BRAF: variants seen among roughly 807,000 people sequenced by gnomAD.
BRAF encodes B-Raf proto-oncogene, serine/threonine kinase.
Under a neutral mutation model 104.6 loss-of-function variants are expected in BRAF, and 16 were observed. The observed-to-expected ratio is 0.15, with a 90% CI of 0.10 to 0.23. The LOEUF is 0.23. Ranked by LOEUF, BRAF falls within the 10% of genes least tolerant of loss-of-function variation. The pLI, the probability that BRAF is intolerant of heterozygous loss-of-function variation, is 1.00. For synonymous variants in BRAF, 310 were observed against 341.6 expected (o/e 0.91, Z 1.02); for missense variants, 541 against 937.3 (o/e 0.58, Z 5.52).
Position 140,719,418 on chromosome 7 carries a change from C to T in BRAF, c.*7076G>A. The T allele has an allele frequency of 9.9e-7, 1 of 1,005,864 alleles. No individual in the cohort carries two copies. The highest frequency in any genetic ancestry group is 1.2e-6 in the Non-Finnish European group (1 of 834,368). 62.3% of individuals were successfully genotyped at this position (1,005,864 alleles called of 1,614,324 possible). A position where few individuals can be genotyped will look rare whatever the true frequency, so the allele number is the denominator to read the frequency against. On this transcript the variant is annotated 3_prime_UTR_variant, in exon 20 of 20. Coordinates refer to ENST00000644969, the MANE Select transcript of BRAF (RefSeq NM_001374258.1). ...AACTTTTTTTGCCTTTTATATAATA[C>T]AGTTTTTAAATAACTTTACACAGAA...
chr7:140,739,259 T>G (rs1207779786), intron 18 of BRAF, among the ~76,000 whole-genome samples: 1 of 151,940 alleles, frequency 6.6e-6, no homozygotes, highest in East Asian at 1.9e-4. Context: ...TTAAGTAGAG[T>G]TTTTAGGGGT....
intron 1 of BRAF, among the ~76,000 whole-genome samples, chr7:140,879,519 T>C (rs1812636263): frequency 7.3e-6 from 1 of 136,540 alleles, no homozygotes; most frequent in Non-Finnish European, 1.5e-5. Context: ...GTAGCTATAA[T>C]GTAGTCTAGT....
intron 17 of BRAF, among the ~76,000 whole-genome samples, chr7:140,742,351 C>G (rs1796997446): frequency 6.6e-6 from 1 of 151,962 alleles, no homozygotes; most frequent in Non-Finnish European, 1.5e-5. Context: ...ACCACCATGC[C>G]TGGCTAATGT....
chr7:140,868,655 GGTT>G (rs1253777665), intron 1 of BRAF, among the ~76,000 whole-genome samples: 2 of 152,126 alleles, frequency 1.3e-5, no homozygotes, highest in Non-Finnish European at 1.5e-5. Context: ...ATTTGGTGAT[GGTT>G]GTTGTGCACA....
rs149960411 is a variant in BRAF at position 140,913,940 on chromosome 7, A to G, written c.138+10626T>C. On this transcript the variant is annotated intron_variant, in intron 1 of 19. Coordinates refer to ENST00000644969, the MANE Select transcript of BRAF (RefSeq NM_001374258.1). ...TTGCCACTTCATGTTTCTTTAATTA[A>G]ATAATGTTTTAAAGTAACATTAATA... is the stretch of plus-strand genomic sequence containing the variant. 9.9e-3 allele frequency among the ~76,000 whole-genome samples: 1,512 copies of G among 152,328 alleles called. 25 individuals are homozygous for G. The highest frequency in any genetic ancestry group is 0.034 in the African/African-American group (1,425 of 41,566).
intron 14 of BRAF, among the ~76,000 whole-genome samples, chr7:140,768,354 T>A (rs1586086562): frequency 6.6e-6 from 1 of 152,244 alleles, no homozygotes; most frequent in East Asian, 1.9e-4. Context: ...TGCCTCCTGC[T>A]ACAGTTTGAA....
At position 140,732,834 on chromosome 7, in the gene BRAF, C is replaced by T. The variant is rs537993637; in HGVS notation, c.2401+1783G>A. The T allele has an allele frequency of 3.3e-5, 5 of 152,342 alleles. No individual in the cohort carries two copies. In the South Asian group the frequency reaches 8.3e-4, roughly 25 times the overall value. The allele number at this position is 152,342 out of a possible 1,614,324, so 9.4% of individuals were successfully genotyped here. A position where few individuals can be genotyped will look rare whatever the true frequency, so the allele number is the denominator to read the frequency against. ...GACCTTGTGCCTCAAAATGGCCAAACATTTGGAGCATTCCACAAAGTCAAT... is the reference window on the plus strand; with the variant it reads ...GACCTTGTGCCTCAAAATGGCCAAATATTTGGAGCATTCCACAAAGTCAAT... On this transcript the variant is annotated intron_variant, in intron 19 of 19. Transcript: ENST00000644969.
At chr7:140,731,830 T>C (rs548068157) in intron 19 of BRAF, 30 of 152,304 alleles carry the variant, frequency 2.0e-4, no homozygotes, top group African/African-American at 6.7e-4. Context: ...GTAAAACTTT[T>C]AAAATGCAAA....
At chr7:140,825,450 CTG>C (rs1281354660) in intron 3 of BRAF, among the ~76,000 whole-genome samples, 3 of 152,206 alleles carry the variant, frequency 2.0e-5, no homozygotes, top group Non-Finnish European at 2.9e-5. Flanking sequence ...TCATTATAGA[CTG>C]TGCTTCTGGT....
At chr7:140,859,414 T>C (rs1178333224) in intron 1 of BRAF, among the ~76,000 whole-genome samples, 3 of 152,202 alleles carry the variant, frequency 2.0e-5, no homozygotes, top group African/African-American at 4.8e-5. Flanking sequence ...CACACATCTA[T>C]ATGGGGATAA....
chr7:140,771,639 A>G (rs1176289130), intron 14 of BRAF, among the ~76,000 whole-genome samples: 2 of 152,242 alleles, frequency 1.3e-5, no homozygotes, highest in East Asian at 3.8e-4. Flanking sequence ...ATCACTTTCA[A>G]CATAGGGCAG....
intron 8 of BRAF, among the ~76,000 whole-genome samples, chr7:140,788,933 G>A (rs916434641): frequency 4.6e-5 from 7 of 151,868 alleles, no homozygotes; most frequent in East Asian, 2.0e-4. Flanking sequence ...TTTATGCGCC[G>A]GGTGCGGTGG....
At chr7:140,750,110 T>C (rs1301025698) in intron 16 of BRAF, among the ~76,000 whole-genome samples, 1 of 152,226 alleles carries the variant, frequency 6.6e-6, no homozygotes, top group African/African-American at 2.4e-5. Context: ...TATTGCACAA[T>C]TAGGTTTCTT....
Position 140,722,328 on chromosome 7 carries a change from C to T in BRAF, c.*4166G>A. On this transcript the variant is annotated 3_prime_UTR_variant, in exon 20 of 20. Transcript: ENST00000644969. Reference sequence around the variant, plus strand: ...ATTTACCTATGCAGTCTAAATTGCACTCTAAAAATTATTAACACAGCTGAG... The same window carrying T: ...ATTTACCTATGCAGTCTAAATTGCATTCTAAAAATTATTAACACAGCTGAG... 1 of 1,055,420 alleles carries T rather than the reference C, an allele frequency of 9.5e-7. No individual in the cohort carries two copies. The highest frequency in any genetic ancestry group is 1.1e-6 in the Non-Finnish European group (1 of 873,056). 65.4% of individuals were successfully genotyped at this position (1,055,420 alleles called of 1,614,324 possible). A position where few individuals can be genotyped will look rare whatever the true frequency, so the allele number is the denominator to read the frequency against.
At position 140,801,579 on chromosome 7, in the gene BRAF, C is replaced by G. The variant is rs943860522; in HGVS notation, c.712-19G>C. Reference sequence around the variant, plus strand: ...TTCGTACCTGCAAAGTAAAAAATCACAGAGATTTCAAAAACTCACAAGAAA... The same window carrying G: ...TTCGTACCTGCAAAGTAAAAAATCAGAGAGATTTCAAAAACTCACAAGAAA... On this transcript the variant is annotated intron_variant, in intron 5 of 19. Transcript: ENST00000644969. The G allele has an allele frequency of 5.6e-6, 9 of 1,607,084 alleles. No individual in the cohort carries two copies. The Admixed American group carries it at 1.3e-4, about 24-fold the overall frequency.
At position 140,757,359 on chromosome 7, in the gene BRAF, G is replaced by A. The variant is rs554038492; in HGVS notation, c.1815-3126C>T. ...GCCTGGAGTGCGGTGGTGCGATATC[G>A]GCTCACTGCAACCTCCACCTCCTAG... On this transcript the variant is annotated intron_variant, in intron 14 of 19. Coordinates refer to ENST00000644969, the MANE Select transcript of BRAF (RefSeq NM_001374258.1). 3.3e-5 allele frequency among the ~76,000 whole-genome samples: 5 copies of A among 151,786 alleles called. No individual in the cohort carries two copies. The East Asian group carries it at 9.7e-4, about 30-fold the overall frequency.
intron 2 of BRAF, among the ~76,000 whole-genome samples, chr7:140,845,385 TA>T (rs1003897531): frequency 2.2e-4 from 34 of 152,158 alleles, no homozygotes; most frequent in Admixed American, 2.1e-3. Flanking sequence ...TAAAAAACTA[TA>T]AGCAGAGTAA....
chr7:140,877,293 TGGGG>T (rs34320657), intron 1 of BRAF, among the ~76,000 whole-genome samples: 2 of 69,146 alleles, frequency 2.9e-5, no homozygotes, highest in African/African-American at 4.8e-5. Flanking sequence ...TTTTAAGAGA[TGGGG>T]GGGGGGGTGG....
chr7:140,767,869 T>C (rs1477252804), intron 14 of BRAF, among the ~76,000 whole-genome samples: 3 of 152,184 alleles, frequency 2.0e-5, no homozygotes, highest in African/African-American at 7.2e-5. Context: ...AATGAGGTAA[T>C]GTATATAAAG....
Sources: gnomAD v4.1 joint callset for allele counts (sites outside exome capture counted in the v4.1 genomes callset) on GRCh38, gnomAD v4.1.1 for gene constraint, MANE v1.5 for transcripts, NCBI Gene and HGNC (gene_info 2026-07-23, HGNC 2026-07-21) for gene names.